Variants in CCDC171 observed in about 807,000 individuals in gnomAD.
CCDC171 encodes coiled-coil domain-containing protein 171.
In CCDC171, 177 loss-of-function variants were observed where a neutral mutation model predicts 168.2. That is an observed-to-expected ratio of 1.05 (90% CI 0.93 to 1.19). The LOEUF is 1.19. Ranked by LOEUF, CCDC171 falls within the 50% of genes most tolerant of loss-of-function variation. CCDC171 has a pLI of 0.00. For synonymous variants in CCDC171, 687 were observed against 540.8 expected (o/e 1.27, Z -3.75); for missense variants, 1,991 against 1,539.0 (o/e 1.29, Z -4.91).
At chr9:15,629,868 A>G (rs1587564026) in intron 7 of CCDC171, among the ~76,000 whole-genome samples, 1 of 152,342 alleles carries the variant, frequency 6.6e-6, no homozygotes, top group East Asian at 1.9e-4. Context: ...GTGGGGGCCA[A>G]TATTCAACAT....
intron 16 of CCDC171, among the ~76,000 whole-genome samples, chr9:15,738,460 T>G (rs1224827267): frequency 6.6e-6 from 1 of 152,178 alleles, no homozygotes; most frequent in Non-Finnish European, 1.5e-5. Context: ...GATCGGAATG[T>G]TTTTATGGGG....
intron 25 of CCDC171, among the ~76,000 whole-genome samples, chr9:15,936,357 C>A (rs888873972): frequency 1.3e-5 from 2 of 151,940 alleles, no homozygotes; most frequent in Non-Finnish European, 2.9e-5. Flanking sequence ...TTTCTCTGGA[C>A]AGTTTTAAGA....
In CCDC171 at chr9:15,906,167, A is replaced by C. The variant is rs538022868; in HGVS notation, c.3601-14103A>C. Among the ~76,000 whole-genome samples the C allele has an allele frequency of 3.7e-3, 558 of 152,308 alleles. 6 individuals carry two copies. Among genetic ancestry groups the C allele is most frequent in the African/African-American group, 0.013 (546 of 41,566 alleles). Reference sequence around the variant, plus strand: ...AAAAAGAGGGAATCCTCCCTAACTCATTTTATGAGGCCAGCATCATCCTGA... The same window carrying C: ...AAAAAGAGGGAATCCTCCCTAACTCCTTTTATGAGGCCAGCATCATCCTGA... On this transcript the variant is annotated intron_variant, in intron 24 of 25. Transcript: ENST00000380701.
At chr9:16,072,238 G>C in the CCDC171 span, among the ~76,000 whole-genome samples, 1 of 152,126 alleles carries the variant, frequency 6.6e-6, no homozygotes, top group East Asian at 1.9e-4. Flanking sequence ...CTCTGCTATT[G>C]GGTAGAAAGC....
intron 21 of CCDC171, among the ~76,000 whole-genome samples, chr9:15,829,103 A>G (rs2060130068): frequency 6.6e-6 from 1 of 152,242 alleles, no homozygotes; most frequent in African/African-American, 2.4e-5. Context: ...CAGTCCTCAC[A>G]GCAACCTATA....
At chr9:15,634,755 C>T (rs901727733) in intron 7 of CCDC171, among the ~76,000 whole-genome samples, 2 of 152,156 alleles carry the variant, frequency 1.3e-5, no homozygotes, top group Non-Finnish European at 2.9e-5. Flanking sequence ...CATTTTGGAA[C>T]ATTTTCATCA....
At chr9:15,750,334 A>C (rs1430120554) in intron 18 of CCDC171, among the ~76,000 whole-genome samples, 2 of 152,188 alleles carry the variant, frequency 1.3e-5, no homozygotes, top group African/African-American at 4.8e-5. Flanking sequence ...TTAATAGCCT[A>C]CTCACCAAAA....
chr9:15,652,118 A>G (rs1458172799), intron 7 of CCDC171, among the ~76,000 whole-genome samples: 1 of 152,064 alleles, frequency 6.6e-6, no homozygotes, highest in East Asian at 1.9e-4. Flanking sequence ...TGTTGCCCAG[A>G]CTATAAAGAT....
At chr9:16,077,312 G>A in the CCDC171 span, among the ~76,000 whole-genome samples, 105 of 152,192 alleles carry the variant, frequency 6.9e-4, 1 homozygote, top group Non-Finnish European at 1.3e-3. Flanking sequence ...TGAAGAATGG[G>A]GCCCTCGCCT....
chr9:15,863,260 A>G (rs77001377), intron 23 of CCDC171, among the ~76,000 whole-genome samples: 421 of 152,056 alleles, frequency 2.8e-3, no homozygotes, highest in African/African-American at 9.2e-3. Context: ...GGGGATTACG[A>G]TTAGAGAGTG....
At chr9:15,698,072 TAC>T (rs1427034169) in intron 11 of CCDC171, among the ~76,000 whole-genome samples, 2 of 121,146 alleles carry the variant, frequency 1.7e-5, no homozygotes, top group African/African-American at 6.1e-5. Flanking sequence ...TAGAGTTCAA[TAC>T]TGTGCTATTG....
chr9:15,886,662 C>T (rs2131410265), intron 24 of CCDC171: 1 of 152,124 alleles, frequency 6.6e-6, no homozygotes, highest in East Asian at 1.9e-4. Flanking sequence ...CATGTCTACA[C>T]TTCCATGTTC....
intron 23 of CCDC171, among the ~76,000 whole-genome samples, chr9:15,870,006 A>C (rs144816276): frequency 1.3e-5 from 2 of 151,704 alleles, no homozygotes; most frequent in Non-Finnish European, 1.5e-5. Context: ...TAAATATCTT[A>C]GGCTTGGTGA....
At chr9:16,054,432 T>C (rs1352527008) in intron 1 of CCDC171, among the ~76,000 whole-genome samples, 1 of 152,066 alleles carries the variant, frequency 6.6e-6, no homozygotes, top group East Asian at 1.9e-4. Flanking sequence ...CAAGGACTCG[T>C]AGGAGGGCAC....
chr9:15,829,727 C>T (rs1229407699), intron 21 of CCDC171, among the ~76,000 whole-genome samples: 2 of 152,106 alleles, frequency 1.3e-5, no homozygotes, highest in African/African-American at 4.8e-5. Context: ...AAAGACCAGC[C>T]TGGACAACAT....
At chr9:15,908,265 A>G (rs1296447815) in intron 24 of CCDC171, among the ~76,000 whole-genome samples, 1 of 152,118 alleles carries the variant, frequency 6.6e-6, no homozygotes, top group Non-Finnish European at 1.5e-5. Context: ...CAAATGTCCA[A>G]CCATGATAGA....
At chr9:15,792,423 C>T (rs1468389276) in intron 21 of CCDC171, among the ~76,000 whole-genome samples, 1 of 152,148 alleles carries the variant, frequency 6.6e-6, no homozygotes, top group South Asian at 2.1e-4. Flanking sequence ...AGGAGAACTT[C>T]CCCAACCTAG....
chr9:15,571,226 G>A lies in CCDC171; in HGVS notation c.42-398G>A, dbSNP rs1206600063. On this transcript the variant is annotated intron_variant, in intron 2 of 25. Transcript: ENST00000380701. The stretch of plus-strand genomic sequence containing the variant: ...TAATTTTTATTTTTGGGAGAGAGTA[G>A]GGTGCTTTAGTCTGACATTTTTCTT... Among the ~76,000 whole-genome samples, 3 of 152,188 alleles carry A rather than the reference G, an allele frequency of 2.0e-5. No homozygotes were observed. The South Asian group carries it at 6.2e-4, about 32-fold the overall frequency.
chr9:16,081,302 G>T, the CCDC171 span, among the ~76,000 whole-genome samples: 2 of 152,178 alleles, frequency 1.3e-5, no homozygotes, highest in Non-Finnish European at 2.9e-5. Context: ...AAATCTCTCA[G>T]AGGTGAGTCT....
Sources: gnomAD v4.1 joint callset for allele counts (sites outside exome capture counted in the v4.1 genomes callset) on GRCh38, gnomAD v4.1.1 for gene constraint, MANE v1.5 for transcripts, NCBI Gene and HGNC (gene_info 2026-07-23, HGNC 2026-07-21) for gene names.